GSE1: variants seen among roughly 807,000 people sequenced by gnomAD.
GSE1 encodes the protein Gse1 coiled-coil protein, also known as genetic suppressor element 1.
Under a neutral mutation model 112.6 loss-of-function variants are expected in GSE1, and 32 were observed. The ratio of observed to expected loss-of-function variants is 0.28; its 90% CI spans 0.21 to 0.38. GSE1 has a LOEUF of 0.38. Among genes scored for constraint, GSE1 ranks in the 10% least tolerant of loss-of-function variants. The pLI is 1.00. For missense variants in GSE1, 2,348 were observed against 1,699.2 expected, an observed-to-expected ratio of 1.38 and a Z score of -6.71; for synonymous variants, 1,115 against 735.6, an observed-to-expected ratio of 1.52 and a Z score of -8.35.
upstream of GSE1, among the ~76,000 whole-genome samples, chr16:85,608,846 A>C (rs1598362525): frequency 6.6e-6 from 1 of 152,184 alleles, no homozygotes; most frequent in Admixed American, 6.5e-5. Context: ...TTATTGGCGG[A>C]TCCAGGCGCT....
In GSE1 at chr16:85,522,797, T is replaced by C. The variant is rs141178427; in HGVS notation, c.2465-111117T>C. On this transcript the variant is annotated intron_variant, in intron 2 of 2. Transcript: ENST00000637419. ...AATGGGTGTGTGCATGTGTTGGGTG[T>C]GAATGTGTGTTGGATATATGTATAA... is the stretch of plus-strand genomic sequence containing the variant. Among the ~76,000 whole-genome samples, 23 of 152,160 alleles carry C rather than the reference T, an allele frequency of 1.5e-4. No homozygotes were observed. In the East Asian group the frequency reaches 4.4e-3, roughly 29 times the overall value.
chr16:85,174,234 A>G (rs1293198255), intron 1 of GSE1, among the ~76,000 whole-genome samples: 3 of 152,166 alleles, frequency 2.0e-5, no homozygotes, highest in African/African-American at 7.2e-5. Context: ...AGGCCTTGAA[A>G]TCAGGAATAG....
At chr16:85,331,457 ATATG>A (rs1224857433) in intron 1 of GSE1, among the ~76,000 whole-genome samples, 6 of 142,830 alleles carry the variant, frequency 4.2e-5, no homozygotes, top group East Asian at 2.0e-4. Flanking sequence ...ATATGTATAT[ATATG>A]TGTGTATATA....
At chr16:85,263,700 G>C (rs1907946204) in intron 1 of GSE1, among the ~76,000 whole-genome samples, 1 of 151,956 alleles carries the variant, frequency 6.6e-6, no homozygotes, top group Non-Finnish European at 1.5e-5. Context: ...AGCCTCCCAA[G>C]TAGCTGGGAT....
intron 2 of GSE1, among the ~76,000 whole-genome samples, chr16:85,482,775 C>G (rs1195948850): frequency 6.6e-6 from 1 of 152,140 alleles, no homozygotes. Flanking sequence ...GTCAGGAGTT[C>G]GAGACCAGCC....
intron 2 of GSE1, among the ~76,000 whole-genome samples, chr16:85,498,035 A>G (rs1458499722): frequency 2.7e-5 from 4 of 150,872 alleles, no homozygotes; most frequent in African/African-American, 9.7e-5. Context: ...CAGGAGCACC[A>G]CACCTCAGTG....
rs2053534386 is a variant in GSE1, at chr16:85,673,896, G to C, written c.*1357G>C. On this transcript the variant is annotated 3_prime_UTR_variant, in exon 16 of 16. Coordinates refer to ENST00000253458, the MANE Select transcript of GSE1 (RefSeq NM_014615.5). ...ACAGAATAGGAACTTCAGAGGCTTT[G>C]TTTAAACGCAAAGCTTTGTAAAAGC... 2 of 152,208 alleles carry C rather than the reference G, an allele frequency of 1.3e-5. No individual in the cohort carries two copies. The highest frequency in any genetic ancestry group is 4.1e-4 in the South Asian group (2 of 4,834). The allele number at this position is 152,208 out of a possible 1,614,324, so 9.4% of individuals were successfully genotyped here. A position where few individuals can be genotyped will look rare whatever the true frequency, so the allele number is the denominator to read the frequency against.
At chr16:85,258,924 A>G (rs1017995064) in intron 1 of GSE1, among the ~76,000 whole-genome samples, 2 of 152,074 alleles carry the variant, frequency 1.3e-5, no homozygotes, top group Non-Finnish European at 2.9e-5. Context: ...TGCTATGGCA[A>G]TCGCTCAGCT....
At chr16:85,635,242 TG>T (rs1020687160) in intron 2 of GSE1, among the ~76,000 whole-genome samples, 2 of 151,792 alleles carry the variant, frequency 1.3e-5, no homozygotes, top group East Asian at 1.9e-4. Flanking sequence ...CATTGATGGA[TG>T]GGGGGTATTG....
chr16:85,362,648 T>C (rs1468087781), intron 2 of GSE1, among the ~76,000 whole-genome samples: 1 of 152,158 alleles, frequency 6.6e-6, no homozygotes, highest in Non-Finnish European at 1.5e-5. Context: ...TGCAAGGCTG[T>C]GCAGGTTGCA....
intron 1 of GSE1, among the ~76,000 whole-genome samples, chr16:85,310,357 G>A (rs77305418): frequency 0.083 from 12,644 of 152,304 alleles, 585 homozygotes; most frequent in Non-Finnish European, 0.089. Flanking sequence ...ACCAGCTGGC[G>A]ATACTGGAGA....
intron 2 of GSE1, among the ~76,000 whole-genome samples, chr16:85,421,343 G>T (rs912235397): frequency 1.3e-5 from 2 of 152,002 alleles, no homozygotes; most frequent in Admixed American, 1.3e-4. Flanking sequence ...TTTCCACAGG[G>T]TCACCCCAAT....
chr16:85,223,633 C>G (rs1021006704), intron 1 of GSE1, among the ~76,000 whole-genome samples: 1 of 152,026 alleles, frequency 6.6e-6, no homozygotes, highest in Non-Finnish European at 1.5e-5. Context: ...TTTAGACAGT[C>G]TCGCTCTGTC....
At chr16:85,552,614 G>C (rs2044981646), upstream of GSE1, among the ~76,000 whole-genome samples, 2 of 152,216 alleles carry the variant, frequency 1.3e-5, no homozygotes, top group South Asian at 2.1e-4. Context: ...TTACAGGCGT[G>C]AGCCACCGCG....
intron 1 of GSE1, among the ~76,000 whole-genome samples, chr16:85,252,613 A>G (rs1266304760): frequency 6.6e-6 from 1 of 152,218 alleles, no homozygotes; most frequent in African/African-American, 2.4e-5. Flanking sequence ...GGGGTTTGTC[A>G]GAGCAGGAAG....
chr16:85,421,184 C>T (rs981250005), intron 2 of GSE1, among the ~76,000 whole-genome samples: 1 of 152,132 alleles, frequency 6.6e-6, no homozygotes, highest in African/African-American at 2.4e-5. Context: ...CTGGGCAGTT[C>T]GGAGTGCAAG....
intron 2 of GSE1, among the ~76,000 whole-genome samples, chr16:85,476,143 G>A (rs2050447667): frequency 3.3e-5 from 5 of 152,186 alleles, no homozygotes; most frequent in Admixed American, 3.3e-4. Flanking sequence ...TGTTGCCTAG[G>A]CTGGCCTCGA....
At chr16:85,298,143 C>G (rs776317808) in intron 1 of GSE1, among the ~76,000 whole-genome samples, 2 of 152,162 alleles carry the variant, frequency 1.3e-5, no homozygotes, top group Non-Finnish European at 2.9e-5. Flanking sequence ...AAAGCGGATT[C>G]GAATTCCGCA....
chr16:85,426,562 TGGGGGGTGAATGAATGTG>T (rs1227424508), intron 2 of GSE1, among the ~76,000 whole-genome samples: 4 of 144,544 alleles, frequency 2.8e-5, no homozygotes, highest in East Asian at 2.1e-4. Context: ...GGTGGATGGA[TGGGGGGTGAATGAATGTG>T]GATGGGTGAA....
Sources: allele counts gnomAD v4.1 joint callset (sites outside exome capture counted in the v4.1 genomes callset), GRCh38; gene constraint gnomAD v4.1.1; transcripts MANE v1.5; gene names NCBI Gene and HGNC (gene_info 2026-07-23, HGNC 2026-07-21).